LRP2: variants seen among roughly 807,000 people sequenced by gnomAD.
LRP2 encodes the protein low-density lipoprotein receptor-related protein 2.
LRP2 carries 172 observed loss-of-function variants against 531.0 expected under a neutral mutation model. The ratio of observed to expected loss-of-function variants is 0.32; its 90% CI spans 0.29 to 0.37. The LOEUF (loss-of-function observed/expected upper bound fraction) is 0.37. Among genes scored for constraint, LRP2 ranks in the 10% least tolerant of loss-of-function variants. The pLI is 1.00. For synonymous variants in LRP2, 1,992 were observed against 2,027.6 expected (o/e 0.98, Z 0.47); for missense variants, 5,167 against 5,868.3 (o/e 0.88, Z 3.90).
intron 3 of LRP2, among the ~76,000 whole-genome samples, chr2:169,307,734 T>C (rs1021096510): frequency 1.4e-4 from 21 of 152,202 alleles, no homozygotes; most frequent in African/African-American, 4.8e-4. Flanking sequence ...AACCCACCCA[T>C]TGAAATCCTT....
intron 14 of LRP2, among the ~76,000 whole-genome samples, chr2:169,273,898 T>G (rs1197556952): frequency 6.6e-6 from 1 of 152,172 alleles, no homozygotes; most frequent in African/African-American, 2.4e-5. Context: ...GGTGTGAGTT[T>G]AGTTGTGAAT....
chr2:169,146,603 G>A, intron 69 of LRP2, 136 bp downstream of exon 69: 1 of 648,496 alleles, frequency 1.5e-6, no homozygotes. Flanking sequence ...GGAGTTGGTG[G>A]GGGTGGAGGG....
At position 169,185,522 on chromosome 2, in the gene LRP2, C is replaced by A. The variant is rs1205015072; in HGVS notation, c.9826G>T (p.Ala3276Ser). The A allele has an allele frequency of 4.3e-6, 7 of 1,613,568 alleles. No homozygotes were observed. Among genetic ancestry groups the A allele is most frequent in the Non-Finnish European group, 5.1e-6 (6 of 1,179,992 alleles). ...NHRLPAAESL[A>S]VDWVSRKLYW... ...TCTTACCTGGAAACCCAGTCTACAG[C>A]CAGACTTTCTGCAGCTGGTAGTCTG... The change falls in exon 50 of 79, where the codon GCT (alanine) becomes TCT (serine). Residue 3276 changes from alanine to serine, a missense_variant. Ala to Ser is a moderately conservative substitution (Grantham distance 99). This residue lies in a region of LRP2 where 1,129 missense variants were observed against 1,362.7 expected (regional missense o/e 0.83). Transcript: ENST00000649046.
At chr2:169,307,489 G>A (rs1382551391) in intron 3 of LRP2, 92 bp from the exon 4 acceptor site, 2 of 805,464 alleles carry the variant, frequency 2.5e-6, no homozygotes, top group East Asian at 2.6e-5. Context: ...AAAGCATAAA[G>A]TTCATAGGGA....
chr2:169,278,644 C>T (rs1683619727), intron 12 of LRP2, among the ~76,000 whole-genome samples: 1 of 152,152 alleles, frequency 6.6e-6, no homozygotes, highest in Admixed American at 6.5e-5. Context: ...GCACAGAGAA[C>T]ATTTCCGTCA....
intron 3 of LRP2, among the ~76,000 whole-genome samples, chr2:169,308,841 A>T (rs1684503747): frequency 6.6e-6 from 1 of 152,216 alleles, no homozygotes; most frequent in Non-Finnish European, 1.5e-5. Flanking sequence ...TCCCACCAAC[A>T]GTGTAAAAGT....
chr2:169,275,255 A>T lies in LRP2; in HGVS notation c.1773-17T>A. On this transcript the variant is annotated splice_polypyrimidine_tract_variant and intron_variant, in intron 13 of 78. Coordinates refer to ENST00000649046, the MANE Select transcript of LRP2 (RefSeq NM_004525.3). ...ACAGTCTTCCTGTTATAAAAGACAC[A>T]TATATATCATACAATTTGTTAGTTT... The T allele has an allele frequency of 6.3e-7, 1 of 1,584,582 alleles. No homozygotes were observed. Among genetic ancestry groups the T allele is most frequent in the African/African-American group, 1.3e-5 (1 of 74,372 alleles).
At chr2:169,285,628 G>A (rs1234718881) in intron 9 of LRP2, among the ~76,000 whole-genome samples, 1 of 151,912 alleles carries the variant, frequency 6.6e-6, no homozygotes, top group East Asian at 1.9e-4. Context: ...GCCCCCCTTG[G>A]CCACCCTCTG....
At chr2:169,330,277 G>T (rs1157665774) in intron 1 of LRP2, among the ~76,000 whole-genome samples, 9 of 152,152 alleles carry the variant, frequency 5.9e-5, no homozygotes, top group African/African-American at 1.9e-4. Flanking sequence ...CAAGATAGTT[G>T]ATCTCAAAGA....
At chr2:169,282,813 G>T in intron 10 of LRP2, 60 bp downstream of exon 10, 1 of 1,549,650 alleles carries the variant, frequency 6.5e-7, no homozygotes. Flanking sequence ...CAGAAGGAAG[G>T]AAAGAAGCTA....
intron 66 of LRP2, among the ~76,000 whole-genome samples, chr2:169,154,242 ACCCCAGTGATC>A (rs1221571073): frequency 1.3e-5 from 2 of 152,154 alleles, no homozygotes; most frequent in African/African-American, 4.8e-5. Context: ...GAAAGGATAA[ACCCCAGTGATC>A]GGAGGAGTTT....
At chr2:169,184,245 A>G (rs1687544954) in intron 50 of LRP2, among the ~76,000 whole-genome samples, 1 of 152,214 alleles carries the variant, frequency 6.6e-6, no homozygotes, top group South Asian at 2.1e-4. Flanking sequence ...ATTAATCACT[A>G]TACTTTTTGA....
intron 34 of LRP2, among the ~76,000 whole-genome samples, chr2:169,218,970 A>G (rs1267822050): frequency 6.6e-6 from 1 of 152,200 alleles, no homozygotes; most frequent in African/African-American, 2.4e-5. Flanking sequence ...TTGAGCCATT[A>G]CATATTTAGG....
intron 21 of LRP2, 99 bp from the exon 22 acceptor site, chr2:169,245,031 G>A: frequency 7.9e-7 from 1 of 1,262,414 alleles, no homozygotes; most frequent in East Asian, 2.3e-5. Flanking sequence ...TTTAATGGAG[G>A]CATTGTATAT....
At chr2:169,149,785 G>A (rs528111863) in intron 68 of LRP2, among the ~76,000 whole-genome samples, 3 of 151,468 alleles carry the variant, frequency 2.0e-5, no homozygotes, top group South Asian at 2.1e-4. Flanking sequence ...GCAGTGAGCC[G>A]AGATCATGCC....
chr2:169,259,664 A>T (rs201002567), intron 16 of LRP2, among the ~76,000 whole-genome samples: 1 of 151,964 alleles, frequency 6.6e-6, no homozygotes, highest in African/African-American at 2.4e-5. Context: ...ACAGTCTTCC[A>T]CAGCCACAAA....
At position 169,139,375 on chromosome 2, in the gene LRP2, T is replaced by C; in HGVS notation, c.13268-4A>G. The C allele has an allele frequency of 6.2e-7, 1 of 1,614,096 alleles. No individual in the cohort carries two copies. The highest frequency in any genetic ancestry group is 8.5e-7 in the Non-Finnish European group (1 of 1,180,006). ...GTCAACAGCACAGCTACTGCGGCTA[T>C]AGAAGAAGATAGCAGAGAGCACATC... On this transcript the variant is annotated splice_polypyrimidine_tract_variant and splice_region_variant and intron_variant, in intron 73 of 78. Transcript: ENST00000649046.
At chr2:169,175,653 AC>A (rs746566664) in intron 54 of LRP2, among the ~76,000 whole-genome samples, 4 of 150,224 alleles carry the variant, frequency 2.7e-5, no homozygotes, top group Admixed American at 6.7e-5. Flanking sequence ...CAAAAAAAAA[AC>A]AATAAACAAA....
At chr2:169,170,492 G>T in intron 59 of LRP2, 59 bp downstream of exon 59, 1 of 1,314,850 alleles carries the variant, frequency 7.6e-7, no homozygotes, top group South Asian at 1.2e-5. Flanking sequence ...ACACTAATTT[G>T]AAGCCCCTAC....
Sources: allele counts gnomAD v4.1 joint callset (sites outside exome capture counted in the v4.1 genomes callset), GRCh38; gene constraint gnomAD v4.1.1; regional missense constraint gnomAD v4.1.1; transcripts MANE v1.5; gene names NCBI Gene and HGNC (gene_info 2026-07-23, HGNC 2026-07-21).